PDK3: variants seen among roughly 807,000 people sequenced by gnomAD.
PDK3 encodes pyruvate dehydrogenase kinase, isozyme 3.
A neutral mutation model predicts 32.0 loss-of-function variants in PDK3; 12 were observed. That is an observed-to-expected ratio of 0.37 (90% confidence interval 0.24 to 0.61). The LOEUF (loss-of-function observed/expected upper bound fraction) is 0.61, where lower values mean the gene tolerates loss of function less well. Ranked by LOEUF, PDK3 falls within the 20% of genes least tolerant of loss-of-function variation. The pLI, the probability that PDK3 is intolerant of heterozygous loss-of-function variation, is 0.65. For synonymous variants in PDK3, 122 were observed against 116.3 expected (o/e 1.05, Z -0.31); for missense variants, 188 against 316.9 (o/e 0.59, Z 3.09).
intron 5 of PDK3, among the ~76,000 whole-genome samples, chrX:24,517,161 T>C (rs1032032306): frequency 6.2e-5 from 7 of 112,045 alleles, no homozygotes; most frequent in Admixed American, 1.9e-4. Context: ...TAAAGATTTT[T>C]AAAAAGTAAA....
chrX:24,481,855 A>G (rs1167315846), intron 1 of PDK3, among the ~76,000 whole-genome samples: 1 of 112,012 alleles, frequency 8.9e-6, no homozygotes, highest in Non-Finnish European at 1.9e-5. Context: ...TTCTAGCCAC[A>G]TGAGAACAAA....
chrX:24,505,709 T>C (rs975383121), intron 5 of PDK3, among the ~76,000 whole-genome samples: 1 of 112,282 alleles, frequency 8.9e-6, no homozygotes, highest in Admixed American at 9.5e-5. Flanking sequence ...TTAGAATTTA[T>C]GTGGCATGTA....
At chrX:24,473,102 G>A (rs1441933374) in intron 1 of PDK3, among the ~76,000 whole-genome samples, 1 of 109,344 alleles carries the variant, frequency 9.1e-6, no homozygotes, top group Non-Finnish European at 1.9e-5. Context: ...TTGGCTGGGT[G>A]CAGTGGCTCA....
intron 2 of PDK3, among the ~76,000 whole-genome samples, chrX:24,495,166 C>G (rs1270503987): frequency 8.9e-6 from 1 of 112,245 alleles, no homozygotes; most frequent in Non-Finnish European, 1.9e-5. Context: ...AGGATATTTG[C>G]TGCTTTTATC....
At chrX:24,483,769 G>A (rs1392558474) in intron 1 of PDK3, among the ~76,000 whole-genome samples, 1 of 111,680 alleles carries the variant, frequency 9.0e-6, no homozygotes, top group Non-Finnish European at 1.9e-5. Context: ...CTGGAGTGCA[G>A]TGGCGCAATC....
intron 2 of PDK3, among the ~76,000 whole-genome samples, chrX:24,497,698 A>G (rs1031944491): frequency 1.8e-5 from 2 of 113,050 alleles, no homozygotes; most frequent in Non-Finnish European, 3.7e-5. Flanking sequence ...TGGAGTATTT[A>G]TATGTGTAAC....
At chrX:24,481,032 A>G (rs1349296549) in intron 1 of PDK3, among the ~76,000 whole-genome samples, 1 of 102,204 alleles carries the variant, frequency 9.8e-6, no homozygotes, top group Non-Finnish European at 2.0e-5. Context: ...GTAAATGTGC[A>G]TACTCTTTTT....
downstream of PDK3, among the ~76,000 whole-genome samples, chrX:24,537,117 C>CTTTTTTTTTTTTTTTTTT (rs34294652): frequency 1.2e-5 from 1 of 82,752 alleles, no homozygotes; most frequent in Non-Finnish European, 2.3e-5. Context: ...CTTTTCTTTT[C>CTTTTTTTTTTTTTTTTTT]TTTTTTTTTT....
In PDK3 at chrX:24,534,074, A is replaced by G; in HGVS notation, c.*2A>G. The G allele has an allele frequency of 8.4e-7, 1 of 1,191,869 alleles. No homozygotes were observed. The highest frequency in any genetic ancestry group is 2.3e-5 in the Admixed American group (1 of 43,254). On this transcript the variant is annotated 3_prime_UTR_variant, in exon 11 of 11. Coordinates refer to ENST00000379162, the MANE Select transcript of PDK3 (RefSeq NM_005391.5). ...TCAAAATACAAAGCAAAACAGTAAT[A>G]TACCACCTTGATTTCCATTACAAAG...
intron 5 of PDK3, among the ~76,000 whole-genome samples, chrX:24,517,332 C>T (rs1922280128): frequency 9.0e-6 from 1 of 111,131 alleles, no homozygotes; most frequent in Admixed American, 9.5e-5. Context: ...AAGCAATTCT[C>T]CTGCCTCAGC....
intron 5 of PDK3, among the ~76,000 whole-genome samples, chrX:24,509,687 C>T (rs1279518538): frequency 1.8e-5 from 2 of 111,470 alleles, no homozygotes. Flanking sequence ...TTTCAGATTC[C>T]GAAAGTGTAT....
chrX:24,529,065 G>A (rs1215209038), intron 9 of PDK3, among the ~76,000 whole-genome samples: 1 of 112,222 alleles, frequency 8.9e-6, no homozygotes, highest in African/African-American at 3.2e-5. Flanking sequence ...GTTGGAAACA[G>A]GAAATCATTT....
At chrX:24,519,107 G>T in intron 6 of PDK3, 97 bp downstream of exon 6, 1 of 514,531 alleles carries the variant, frequency 1.9e-6, no homozygotes, top group Non-Finnish European at 3.2e-6. Context: ...AAATTATACT[G>T]ATTTTTCATT....
intron 4 of PDK3, 68 bp downstream of exon 4, chrX:24,503,579 G>A: frequency 1.2e-6 from 1 of 834,562 alleles, no homozygotes; most frequent in Non-Finnish European, 1.6e-6. Flanking sequence ...ATGTTTTCCT[G>A]TTGTTAATTT....
Position 24,492,124 on chromosome X carries a change from G to T in PDK3, c.107-2618G>T, listed in dbSNP as rs148071013. 3.5e-3 allele frequency among the ~76,000 whole-genome samples: 386 copies of T among 111,546 alleles called. 1 individual carries two copies. The highest frequency in any genetic ancestry group is 0.012 in the African/African-American group (361 of 30,727). Reference sequence around the variant, plus strand: ...ACTTTTATTTTAACTTAGATAATAGGGAATTCATTTTATAATGAGATTCAC... The same window carrying T: ...ACTTTTATTTTAACTTAGATAATAGTGAATTCATTTTATAATGAGATTCAC... On this transcript the variant is annotated intron_variant, in intron 1 of 10. Coordinates refer to ENST00000379162, the MANE Select transcript of PDK3 (RefSeq NM_005391.5).
chrX:24,486,716 C>T (rs7060793), intron 1 of PDK3, among the ~76,000 whole-genome samples: 5,336 of 111,103 alleles, frequency 0.048, 134 homozygotes, highest in African/African-American at 0.091. Context: ...ACTGCAGCCT[C>T]GACCTCCTGG....
At chrX:24,478,064 G>T (rs928182846) in intron 1 of PDK3, among the ~76,000 whole-genome samples, 1 of 111,789 alleles carries the variant, frequency 8.9e-6, no homozygotes, top group African/African-American at 3.3e-5. Context: ...ACCTTGAATA[G>T]CATATCATCA....
chrX:24,465,659 C>G, intron 1 of PDK3, 98 bp downstream of exon 1: 1 of 641,325 alleles, frequency 1.6e-6, no homozygotes, highest in Non-Finnish European at 2.4e-6. Context: ...CTGTGGGAAC[C>G]GCAGGCGGGG....
intron 1 of PDK3, among the ~76,000 whole-genome samples, chrX:24,470,973 T>C (rs1167177514): frequency 9.0e-6 from 1 of 110,861 alleles, no homozygotes; most frequent in East Asian, 2.8e-4. Flanking sequence ...AGGTGCTTTC[T>C]GTTCTCACTC....
Sources: gnomAD v4.1 joint callset for allele counts (sites outside exome capture counted in the v4.1 genomes callset) on GRCh38, gnomAD v4.1.1 for gene constraint, MANE v1.5 for transcripts, NCBI Gene and HGNC (gene_info 2026-07-23, HGNC 2026-07-21) for gene names.